The following EP400 variants were observed in gnomAD, a reference collection of about 807,000 sequenced individuals.
EP400 encodes the protein E1A-binding protein p400.
A neutral mutation model predicts 354.1 loss-of-function variants in EP400; 105 were observed. The ratio of observed to expected loss-of-function variants is 0.30; its 90% confidence interval spans 0.25 to 0.35. EP400 has a LOEUF of 0.35. EP400 is among the 10% of genes least tolerant of loss of function. EP400 has a pLI of 1.00. For missense variants in EP400, 3,280 were observed against 4,121.0 expected (o/e 0.80, Z 5.59); for synonymous variants, 1,646 against 1,716.9 (o/e 0.96, Z 1.02).
At chr12:132,065,170 C>T (rs1593386204) in intron 48 of EP400, 4 of 549,066 alleles carry the variant, frequency 7.3e-6, no homozygotes, top group Admixed American at 6.3e-5. Flanking sequence ...TGCGTGGCTT[C>T]CCTGTGCTGC....
In EP400 at chr12:132,027,709, A is replaced by C. The variant is rs1274434838; in HGVS notation, c.5109+178A>C. On this transcript the variant is annotated intron_variant, in intron 26 of 52. Coordinates refer to ENST00000389561, the MANE Select transcript of EP400 (RefSeq NM_015409.5). The surrounding 1 kb of genome is among the most constrained non-coding windows in gnomAD (Gnocchi z 4.9). Reference sequence around the variant, plus strand: ...AAATGAAACTGGACTTACGACTGCCACAATCTTTTTTTGTATTTTTTATGT... The same window carrying C: ...AAATGAAACTGGACTTACGACTGCCCCAATCTTTTTTTGTATTTTTTATGT... Among the ~76,000 whole-genome samples the C allele has an allele frequency of 1.3e-5, 2 of 152,248 alleles. No individual in the cohort carries two copies. Among genetic ancestry groups the C allele is most frequent in the African/African-American group, 4.8e-5 (2 of 41,468 alleles).
intron 39 of EP400, among the ~76,000 whole-genome samples, chr12:132,046,887 G>A (rs1312404986): frequency 6.6e-6 from 1 of 152,234 alleles, no homozygotes; most frequent in East Asian, 1.9e-4. Context: ...CACGTGCCAT[G>A]CTGGCGTGTG....
At chr12:132,048,896 G>T (rs1895202845) in intron 39 of EP400, among the ~76,000 whole-genome samples, 1 of 152,200 alleles carries the variant, frequency 6.6e-6, no homozygotes, top group South Asian at 2.1e-4. Flanking sequence ...AAGAGCCTGT[G>T]CACAGAAACA....
intron 48 of EP400, chr12:132,065,418 G>C (rs1479924590): frequency 6.2e-6 from 1 of 160,254 alleles, no homozygotes; most frequent in Non-Finnish European, 1.4e-5. Flanking sequence ...ACCGTGACTA[G>C]AGCTCAGCTA....
intron 48 of EP400, 143 bp from the exon 49 acceptor site, chr12:132,066,629 TCA>T (rs935347747): frequency 2.4e-6 from 2 of 838,376 alleles, no homozygotes; most frequent in African/African-American, 3.6e-5. Context: ...TGCAGATCTC[TCA>T]GTTTTCCTTT....
intron 2 of EP400, among the ~76,000 whole-genome samples, chr12:131,971,016 C>A (rs1266873990): frequency 6.6e-6 from 1 of 152,166 alleles, no homozygotes; most frequent in African/African-American, 2.4e-5. Flanking sequence ...CCAGCCTGCA[C>A]AACATAGGAC....
chr12:131,997,229 A>G (rs1025274498), intron 12 of EP400, among the ~76,000 whole-genome samples: 1 of 151,904 alleles, frequency 6.6e-6, no homozygotes, highest in East Asian at 1.9e-4. Context: ...TATCAATAAC[A>G]TGAAACAGTC....
chr12:132,058,641 C>T (rs764192769), intron 45 of EP400, among the ~76,000 whole-genome samples: 51 of 152,122 alleles, frequency 3.4e-4, no homozygotes, highest in Non-Finnish European at 6.2e-4. Context: ...TGAGCCACCG[C>T]GCCCAGCCTA....
chr12:132,004,167 A>G (rs1030933689), intron 12 of EP400, among the ~76,000 whole-genome samples: 4 of 152,256 alleles, frequency 2.6e-5, no homozygotes, highest in African/African-American at 9.6e-5. Context: ...TGATTTCCAG[A>G]AAAATCCAGC....
chr12:132,013,451 G>A lies in EP400; in HGVS notation c.3612-39G>A, dbSNP rs763396683. 2 of 1,522,474 alleles carry A rather than the reference G, an allele frequency of 1.3e-6. No homozygotes were observed. Among genetic ancestry groups the A allele is most frequent in the Non-Finnish European group, 1.8e-6 (2 of 1,135,238 alleles). The allele number at this position is 1,522,474 out of a possible 1,614,324, so 94.3% of individuals were successfully genotyped here. On this transcript the variant is annotated intron_variant, in intron 17 of 52. Transcript: ENST00000389561. The surrounding 1 kb of genome is among the most constrained non-coding windows in gnomAD (Gnocchi z 4.5). ...AGATGCTGCTGCAGCCAGCCCCGTGGCTGTAGAACTCCAGTGTTGTCTCTT... is the reference window on the plus strand; with the variant it reads ...AGATGCTGCTGCAGCCAGCCCCGTGACTGTAGAACTCCAGTGTTGTCTCTT...
At chr12:131,973,524 T>A (rs1215377769) in intron 2 of EP400, among the ~76,000 whole-genome samples, 1 of 152,130 alleles carries the variant, frequency 6.6e-6, no homozygotes, top group African/African-American at 2.4e-5. Flanking sequence ...GTTCCCGTAC[T>A]CCCAGCTACT....
intron 2 of EP400, among the ~76,000 whole-genome samples, chr12:131,966,051 AAAG>A (rs1892066007): frequency 6.6e-6 from 1 of 152,092 alleles, no homozygotes; most frequent in Admixed American, 6.5e-5. Context: ...AAAAAAAAAA[AAAG>A]AAAAACTAGG....
chr12:132,055,109 T>G lies in EP400; in HGVS notation c.7785T>G (p.Ser2595Arg), dbSNP rs370108855. ...CGCCTGTCTCCGCAGGTGCCGTGAGTGGAAATGTGATCGTGAACACCATCG... is the reference window on the plus strand; with the variant it reads ...CGCCTGTCTCCGCAGGTGCCGTGAGGGGAAATGTGATCGTGAACACCATCG... ...TGTSMPTGAV[S>R]GNVIVNTIAG... The change falls in exon 45 of 53, where the codon AGT becomes AGG. Residue 2595 changes from serine to arginine, a missense_variant. Ser to Arg is a moderately radical substitution (Grantham distance 110). Around this residue, in one of 20 missense-constraint regions of EP400, gnomAD observed 255 missense variants for 295.9 expected, o/e 0.86. Transcript: ENST00000389561. 6.2e-7 allele frequency: 1 copy of G among 1,613,382 alleles called. No homozygotes were observed. Among genetic ancestry groups the G allele is most frequent in the Non-Finnish European group, 8.5e-7 (1 of 1,179,774 alleles).
chr12:131,975,224 C>T (rs1246907353), intron 2 of EP400, among the ~76,000 whole-genome samples: 3 of 152,120 alleles, frequency 2.0e-5, no homozygotes, highest in Admixed American at 6.5e-5. Context: ...GCGCACAGTC[C>T]TCCCTGTCAG....
chr12:132,017,501 A>G lies in EP400; in HGVS notation c.3924-34A>G. 1 of 1,608,544 alleles carries G rather than the reference A, an allele frequency of 6.2e-7. No individual in the cohort carries two copies. Among genetic ancestry groups the G allele is most frequent in the Non-Finnish European group, 8.5e-7 (1 of 1,177,560 alleles). ...GGGACTATGTCCATGTGCCGTTTGG[A>G]TTGAATGCTTCGTGTTTCTTTCTCC... is the stretch of plus-strand genomic sequence containing the variant. On this transcript the variant is annotated intron_variant, in intron 19 of 52. Transcript: ENST00000389561. This position sits in a 1 kb window ranked among gnomAD's most constrained non-coding sequence, Gnocchi z 5.0.
chr12:132,055,090 T>C lies in EP400; in HGVS notation c.7775-9T>C, dbSNP rs1448428077. 1 of 1,613,888 alleles carries C rather than the reference T, an allele frequency of 6.2e-7. No homozygotes were observed. Among genetic ancestry groups the C allele is most frequent in the Non-Finnish European group, 8.5e-7 (1 of 1,179,898 alleles). ...GGCGCTGTTGCCTTATGCCCGCCTG[T>C]CTCCGCAGGTGCCGTGAGTGGAAAT... On this transcript the variant is annotated splice_polypyrimidine_tract_variant and intron_variant, in intron 44 of 52. Transcript: ENST00000389561.
rs145717256 is a variant in EP400 at position 132,011,038 on chromosome 12, C to T, written c.3305-460C>T. On this transcript the variant is annotated intron_variant, in intron 15 of 52. Coordinates refer to ENST00000389561, the MANE Select transcript of EP400 (RefSeq NM_015409.5). ...GCCCTGACTAAAGCTTGGGAAGCAG[C>T]GATGGACACAAGCCCTTGGCTAACA... 4.5e-4 allele frequency among the ~76,000 whole-genome samples: 69 copies of T among 152,302 alleles called. 1 individual carries two copies. The highest frequency in any genetic ancestry group is 3.4e-3 in the Middle Eastern group (1 of 294).
chr12:132,028,151 G>C lies in EP400; in HGVS notation c.5244G>C (p.Gln1748His), dbSNP rs778610646. 6.2e-7 allele frequency: 1 copy of C among 1,614,242 alleles called. No homozygotes were observed. ...CCCTGCCTAGCCATGGAAGGGTACA[G>C]TGGCGTGGGTCCCTGGATGGCCGTC... ...ICALPSHGRV[Q>H]WRGSLDGRRG... is the part of the protein sequence containing the mutation. Residue 1748 changes from glutamine to histidine, a missense_variant, in exon 27 of 53, where the codon CAG becomes CAC. Around this residue, in one of 20 missense-constraint regions of EP400, gnomAD observed 459 missense variants for 496.9 expected, o/e 0.92. Coordinates refer to ENST00000389561, the MANE Select transcript of EP400 (RefSeq NM_015409.5).
chr12:132,060,914 C>CAAAAA (rs11305330), intron 45 of EP400, among the ~76,000 whole-genome samples: 1 of 110,436 alleles, frequency 9.1e-6, no homozygotes, highest in African/African-American at 3.6e-5. Context: ...GACTCCGTCT[C>CAAAAA]AAAAAAAAAA....
Sources: gnomAD v4.1 joint callset for allele counts (sites outside exome capture counted in the v4.1 genomes callset) on GRCh38, gnomAD v4.1.1 for gene constraint, gnomAD v4.1.1 regional missense constraint, Gnocchi (gnomAD v3.1) non-coding constraint, MANE v1.5 for transcripts, NCBI Gene and HGNC (gene_info 2026-07-23, HGNC 2026-07-21) for gene names.